RNF185: variants seen among roughly 807,000 people sequenced by gnomAD.
RNF185 encodes ring finger protein 185.
Under a neutral mutation model 24.9 loss-of-function variants are expected in RNF185, and 13 were observed. The observed-to-expected ratio is 0.52, with a 90% CI of 0.34 to 0.83. The LOEUF (loss-of-function observed/expected upper bound fraction) is 0.83, where lower values mean the gene tolerates loss of function less well. Among genes scored for constraint, RNF185 ranks in the 40% least tolerant of loss-of-function variants. The pLI is 0.01. For synonymous variants in RNF185, 79 were observed against 90.3 expected, an observed-to-expected ratio of 0.88 and a Z score of 0.71; for missense variants, 184 against 244.7, an observed-to-expected ratio of 0.75 and a Z score of 1.65.
chr22:31,165,253 C>T lies in RNF185; in HGVS notation c.-49+4950C>T, dbSNP rs59025812. Reference sequence around the variant, plus strand: ...AAATTTATGAGGGTTCCAGTTTCTCCGCATCCACAACACTTGTTATTGCCC... The same window carrying T: ...AAATTTATGAGGGTTCCAGTTTCTCTGCATCCACAACACTTGTTATTGCCC... On this transcript the variant is annotated intron_variant, in intron 1 of 6. Coordinates refer to ENST00000326132, the MANE Select transcript of RNF185 (RefSeq NM_152267.4). Among the ~76,000 whole-genome samples, 2,159 of 152,162 alleles carry T rather than the reference C, an allele frequency of 0.014. 242 individuals carry two copies. In the East Asian group the frequency reaches 0.31, roughly 22 times the overall value.
intron 1 of RNF185, 34 bp from the exon 2 acceptor site, chr22:31,187,013 A>T: frequency 7.1e-7 from 1 of 1,418,410 alleles, no homozygotes; most frequent in South Asian, 1.3e-5. Flanking sequence ...AGAGGGCTGC[A>T]GAAATGGACA....
chr22:31,190,555 G>A (rs1443510493), intron 2 of RNF185, among the ~76,000 whole-genome samples: 1 of 151,728 alleles, frequency 6.6e-6, no homozygotes, highest in African/African-American at 2.4e-5. Context: ...CCAAAGTGCT[G>A]GGATTACAGG....
chr22:31,185,776 G>A (rs535368621), intron 1 of RNF185, among the ~76,000 whole-genome samples: 68 of 152,308 alleles, frequency 4.5e-4, no homozygotes, highest in African/African-American at 6.7e-4. Context: ...ATCCCTTGGT[G>A]TTGGTTTTAT....
At chr22:31,180,955 G>A (rs192430169) in intron 1 of RNF185, among the ~76,000 whole-genome samples, 10 of 150,906 alleles carry the variant, frequency 6.6e-5, no homozygotes, top group African/African-American at 2.4e-4. Context: ...GTGTGTGTGT[G>A]TGTCTGCCTG....
chr22:31,178,720 G>A (rs1259715172), intron 1 of RNF185, among the ~76,000 whole-genome samples: 1 of 152,160 alleles, frequency 6.6e-6, no homozygotes, highest in Non-Finnish European at 1.5e-5. Flanking sequence ...ACAGTTGGTA[G>A]CACCAGACCT....
At chr22:31,195,063 C>T (rs575784854) in intron 3 of RNF185, among the ~76,000 whole-genome samples, 1 of 152,182 alleles carries the variant, frequency 6.6e-6, no homozygotes, top group South Asian at 2.1e-4. Flanking sequence ...AGCGATTCTC[C>T]TCCCTCAGCC....
intron 5 of RNF185, among the ~76,000 whole-genome samples, chr22:31,200,151 G>T (rs2048246475): frequency 6.6e-6 from 1 of 152,170 alleles, no homozygotes. Flanking sequence ...GAGCCCAGGA[G>T]TTTGAGACCA....
At chr22:31,201,143 G>GC (rs2048259737) in intron 5 of RNF185, among the ~76,000 whole-genome samples, 1 of 152,218 alleles carries the variant, frequency 6.6e-6, no homozygotes, top group Non-Finnish European at 1.5e-5. Context: ...CTCCTATAAA[G>GC]CATGTAGAAG....
chr22:31,187,259 C>T lies in RNF185; in HGVS notation c.165C>T (p.Gly55=). 3 of 1,613,956 alleles carry T rather than the reference C, an allele frequency of 1.9e-6. No homozygotes were observed. Among genetic ancestry groups the T allele is most frequent in the Non-Finnish European group, 2.5e-6 (3 of 1,179,886 alleles). The change falls in exon 2 of 7, where the codon GGC becomes GGT. Residue 55 remains glycine (G), a synonymous_variant. Transcript: ENST00000326132. ...TAKDAVISLC[G]HLFCWPCLHQ... ...AGGATGCCGTCATCAGCCTGTGTGG[C>T]CACCTCTTCTGGTCAGTACCCCTAC...
chr22:31,170,475 C>G (rs958400170), intron 1 of RNF185, among the ~76,000 whole-genome samples: 18 of 152,088 alleles, frequency 1.2e-4, no homozygotes, highest in Non-Finnish European at 2.2e-4. Flanking sequence ...AGGCATGAGC[C>G]ACCACCTCTG....
intron 1 of RNF185, among the ~76,000 whole-genome samples, chr22:31,173,347 G>C (rs1417022744): frequency 1.3e-5 from 2 of 150,976 alleles, no homozygotes; most frequent in Non-Finnish European, 2.9e-5. Flanking sequence ...ACTCTAGTTG[G>C]CTATATTGAG....
At chr22:31,177,688 A>G (rs1482171027) in intron 1 of RNF185, among the ~76,000 whole-genome samples, 1 of 152,190 alleles carries the variant, frequency 6.6e-6, no homozygotes, top group Admixed American at 6.5e-5. Flanking sequence ...GTGAATAAGC[A>G]TGTGCTCACA....
chr22:31,193,367 C>T (rs995513605), intron 3 of RNF185, among the ~76,000 whole-genome samples: 1 of 152,166 alleles, frequency 6.6e-6, no homozygotes, highest in Non-Finnish European at 1.5e-5. Flanking sequence ...TACATATTGA[C>T]TATGAGTTTA....
intron 3 of RNF185, among the ~76,000 whole-genome samples, chr22:31,195,037 C>T (rs1439248417): frequency 6.6e-6 from 1 of 152,060 alleles, no homozygotes; most frequent in African/African-American, 2.4e-5. Context: ...ACTGCAACCT[C>T]CGCCTCCCGG....
At chr22:31,167,064 A>G (rs1923968792) in intron 1 of RNF185, among the ~76,000 whole-genome samples, 1 of 152,214 alleles carries the variant, frequency 6.6e-6, no homozygotes, top group South Asian at 2.1e-4. Flanking sequence ...GTGTGTTCTT[A>G]GTGGGATAGA....
At chr22:31,189,135 A>ATAGGTGTGTGTGTGTG (rs368967009) in intron 2 of RNF185, among the ~76,000 whole-genome samples, 1 of 136,872 alleles carries the variant, frequency 7.3e-6, no homozygotes, top group African/African-American at 2.7e-5. Context: ...CAAAAAAAAA[A>ATAGGTGTGTGTGTGTG]TGTGTGTGTG....
intron 5 of RNF185, 100 bp downstream of exon 5, chr22:31,197,090 G>A: frequency 6.6e-7 from 1 of 1,523,232 alleles, no homozygotes; most frequent in Non-Finnish European, 8.9e-7. Context: ...AAAAGTAAAG[G>A]AAAACTTGTA....
intron 1 of RNF185, among the ~76,000 whole-genome samples, chr22:31,172,628 G>C (rs2047941322): frequency 6.6e-6 from 1 of 151,446 alleles, no homozygotes; most frequent in Non-Finnish European, 1.5e-5. Context: ...GCACACCTGT[G>C]GTCCCCGCTA....
At position 31,189,280 on chromosome 22, in the gene RNF185, CTTTTTTT is replaced by C. The variant is rs1050842065; in HGVS notation, c.176+2031_176+2037del. Among the ~76,000 whole-genome samples, 60 of 61,518 alleles carry C rather than the reference CTTTTTTT, an allele frequency of 9.8e-4. 1 individual carries two copies. Among genetic ancestry groups the C allele is most frequent in the African/African-American group, 3.7e-3 (57 of 15,250 alleles). 40.4% of individuals were successfully genotyped at this position (61,518 alleles called of 152,430 possible). A position where few individuals can be genotyped will look rare whatever the true frequency, so the allele number is the denominator to read the frequency against. ...ATTTAAATGTACAGCTGTTGTATAT[CTTTTTTT>C]TTTTTTTTTTTTTTTTTTTTGTGGA... On this transcript the variant is annotated intron_variant, in intron 2 of 6. Coordinates refer to ENST00000326132, the MANE Select transcript of RNF185 (RefSeq NM_152267.4).
Sources: gnomAD v4.1 joint callset for allele counts (sites outside exome capture counted in the v4.1 genomes callset) on GRCh38, gnomAD v4.1.1 for gene constraint, MANE v1.5 for transcripts, NCBI Gene and HGNC (gene_info 2026-07-23, HGNC 2026-07-21) for gene names.